The following SORCS3 variants were observed in gnomAD, a reference collection of about 807,000 sequenced individuals.
The protein encoded by SORCS3 is sortilin related VPS10 domain containing receptor 3.
In SORCS3, 57 loss-of-function variants were observed where a neutral mutation model predicts 146.3. The observed-to-expected ratio is 0.39, with a 90% CI of 0.31 to 0.49. The LOEUF (loss-of-function observed/expected upper bound fraction) is 0.49. Ranked by LOEUF, SORCS3 falls within the 20% of genes least tolerant of loss-of-function variation. SORCS3 has a pLI of 0.92. For synonymous variants in SORCS3, 653 were observed against 618.5 expected (o/e 1.06, Z -0.83); for missense variants, 1,341 against 1,575.5 (o/e 0.85, Z 2.52).
At chr10:104,714,632 A>C (rs1005665322) in intron 1 of SORCS3, among the ~76,000 whole-genome samples, 1 of 152,176 alleles carries the variant, frequency 6.6e-6, no homozygotes, top group Non-Finnish European at 1.5e-5. Context: ...AAGGATTTCT[A>C]TTCTTTTAAA....
chr10:104,824,219 C>T (rs1282904757), intron 1 of SORCS3, among the ~76,000 whole-genome samples: 1 of 152,168 alleles, frequency 6.6e-6, no homozygotes, highest in Non-Finnish European at 1.5e-5. Context: ...AATTTACACA[C>T]CTGGTATTTA....
chr10:104,900,405 G>GT (rs1768797258), intron 2 of SORCS3, among the ~76,000 whole-genome samples: 1 of 152,136 alleles, frequency 6.6e-6, no homozygotes, highest in South Asian at 2.1e-4. Flanking sequence ...TTCCTGACAA[G>GT]TCTTTCTACC....
intron 1 of SORCS3, among the ~76,000 whole-genome samples, chr10:104,670,530 A>G (rs1197257586): frequency 6.6e-6 from 1 of 152,030 alleles, no homozygotes; most frequent in African/African-American, 2.4e-5. Context: ...GCTCTATTCT[A>G]TTGGTTTATG....
rs528487983 is a variant in SORCS3 at position 105,183,540 on chromosome 10, G to C, written c.2009+5367G>C. On this transcript the variant is annotated intron_variant, in intron 14 of 26. Coordinates refer to ENST00000369701, the MANE Select transcript of SORCS3 (RefSeq NM_014978.3). Reference sequence around the variant, plus strand: ...CGATAAAGTCGTTGAAAATGAACCAGAGCTGCTTCCATTGATCTGTTTTTC... The same window carrying C: ...CGATAAAGTCGTTGAAAATGAACCACAGCTGCTTCCATTGATCTGTTTTTC... 1.2e-3 allele frequency among the ~76,000 whole-genome samples: 187 copies of C among 152,270 alleles called. 1 individual carries two copies. The highest frequency in any genetic ancestry group is 4.3e-3 in the African/African-American group (177 of 41,546).
At position 105,041,410 on chromosome 10, in the gene SORCS3, A is replaced by ATAT. The variant is rs1554871578; in HGVS notation, c.955-1645_955-1644insTAT. ...ACAGGCTATTTTGAGGATTAAAAAA[A>ATAT]ATATATATATATATATACACACACA... On this transcript the variant is annotated intron_variant, in intron 4 of 26. Transcript: ENST00000369701. 1.4e-3 allele frequency among the ~76,000 whole-genome samples: 205 copies of ATAT among 144,340 alleles called. 4 individuals carry two copies. The highest frequency in any genetic ancestry group is 0.012 in the Admixed American group (177 of 14,286). The allele number at this position is 144,340 out of a possible 152,430, so 94.7% of individuals were successfully genotyped here.
intron 1 of SORCS3, chr10:104,665,188 A>G (rs2015756911): frequency 6.6e-6 from 1 of 152,382 alleles, no homozygotes; most frequent in Non-Finnish European, 1.5e-5. Context: ...ATGAAAAAGC[A>G]TATGCCAGGA....
intron 1 of SORCS3, among the ~76,000 whole-genome samples, chr10:104,833,693 C>T (rs1324601293): frequency 6.6e-6 from 1 of 152,140 alleles, no homozygotes; most frequent in Non-Finnish European, 1.5e-5. Flanking sequence ...ATCCTTATAG[C>T]TTTAGTCAAT....
intron 2 of SORCS3, among the ~76,000 whole-genome samples, chr10:104,874,970 T>G (rs1250136434): frequency 6.6e-6 from 1 of 152,216 alleles, no homozygotes; most frequent in Admixed American, 6.5e-5. Flanking sequence ...TTACACTATG[T>G]GATCACAGTC....
intron 1 of SORCS3, among the ~76,000 whole-genome samples, chr10:104,658,332 T>A (rs1485842901): frequency 6.6e-6 from 1 of 152,210 alleles, no homozygotes; most frequent in Non-Finnish European, 1.5e-5. Flanking sequence ...AGGTCACATG[T>A]ATGCACATGA....
At chr10:104,645,279 C>T (rs997215504) in intron 1 of SORCS3, among the ~76,000 whole-genome samples, 1 of 152,092 alleles carries the variant, frequency 6.6e-6, no homozygotes, top group Non-Finnish European at 1.5e-5. Context: ...TCAAAAACAC[C>T]CAGAGGGAGC....
At chr10:105,023,745 C>G (rs2055211174) in intron 4 of SORCS3, among the ~76,000 whole-genome samples, 1 of 151,726 alleles carries the variant, frequency 6.6e-6, no homozygotes, top group Non-Finnish European at 1.5e-5. Context: ...AACTTGTGTT[C>G]CTCGCCTGGG....
chr10:104,910,754 CAT>C (rs1285814121), intron 2 of SORCS3, among the ~76,000 whole-genome samples: 8 of 152,248 alleles, frequency 5.3e-5, no homozygotes, highest in South Asian at 2.1e-4. Flanking sequence ...TAGAGACACA[CAT>C]GTGTGTGCAC....
At chr10:105,136,642 T>C (rs144130313) in intron 7 of SORCS3, among the ~76,000 whole-genome samples, 9 of 152,260 alleles carry the variant, frequency 5.9e-5, no homozygotes, top group Non-Finnish European at 8.8e-5. Flanking sequence ...TTAGAATGAA[T>C]TGGTAGCATT....
chr10:105,255,883 T>C (rs2056928661), intron 24 of SORCS3, 82 bp downstream of exon 24: 7 of 1,115,722 alleles, frequency 6.3e-6, no homozygotes, highest in Non-Finnish European at 9.2e-6. Context: ...CATGAAACCC[T>C]GCTGCATAAT....
At chr10:104,770,215 C>T (rs1231078206) in intron 1 of SORCS3, among the ~76,000 whole-genome samples, 4 of 152,082 alleles carry the variant, frequency 2.6e-5, no homozygotes, top group African/African-American at 7.2e-5. Flanking sequence ...GATTGGGAGC[C>T]CTGTCCACTG....
intron 4 of SORCS3, among the ~76,000 whole-genome samples, chr10:104,986,339 G>T (rs1260170931): frequency 3.3e-5 from 5 of 152,130 alleles, no homozygotes; most frequent in African/African-American, 1.2e-4. Context: ...TGAAGAGAGG[G>T]CTTTGTTCCA....
At chr10:105,060,683 A>T (rs111274492) in intron 5 of SORCS3, among the ~76,000 whole-genome samples, 8,970 of 152,258 alleles carry the variant, frequency 0.059, 286 homozygotes, top group Middle Eastern at 0.088. Flanking sequence ...TCAAACCTGT[A>T]ATCCTAGCAC....
Position 104,940,228 on chromosome 10 carries a change from ATATATATATATTTTT to A in SORCS3, c.795+24298_795+24312del, listed in dbSNP as rs1216448710. Among the ~76,000 whole-genome samples, 281 of 34,184 alleles carry A rather than the reference ATATATATATATTTTT, an allele frequency of 8.2e-3. 1 individual carries two copies. The highest frequency in any genetic ancestry group is 0.026 in the East Asian group (19 of 736). 22.4% of individuals were successfully genotyped at this position (34,184 alleles called of 152,430 possible). On this transcript the variant is annotated intron_variant, in intron 3 of 26. Transcript: ENST00000369701. Reference sequence around the variant, plus strand: ...TTTATATATATATATATATATATATATATATATATATTTTTTTTTTTTTTTTTATTATACTTTAAG... The same window carrying A: ...TTTATATATATATATATATATATATATTTTTTTTTTTTATTATACTTTAAG...
chr10:105,186,967 C>G (rs1339935950), intron 14 of SORCS3, among the ~76,000 whole-genome samples: 4 of 151,784 alleles, frequency 2.6e-5, no homozygotes, highest in Non-Finnish European at 5.9e-5. Flanking sequence ...GTTTCCATCT[C>G]TTAGAGTCTC....
Sources: allele counts gnomAD v4.1 joint callset (sites outside exome capture counted in the v4.1 genomes callset), GRCh38; gene constraint gnomAD v4.1.1; transcripts MANE v1.5; gene names NCBI Gene and HGNC (gene_info 2026-07-23, HGNC 2026-07-21).